The following BRINP3 variants were observed in gnomAD, a reference collection of about 807,000 sequenced individuals.
BRINP3 encodes BMP/retinoic acid-inducible neural-specific protein 3.
Under a neutral mutation model 71.0 loss-of-function variants are expected in BRINP3, and 19 were observed. The observed-to-expected ratio is 0.27, with a 90% CI of 0.19 to 0.39. BRINP3 has a LOEUF of 0.39. Ranked by LOEUF, BRINP3 falls within the 10% of genes least tolerant of loss-of-function variation. The probability of loss-of-function intolerance (pLI) is 1.00; values close to 1 mark genes in which losing one functional copy is unlikely to be tolerated. For missense variants in BRINP3, 959 were observed against 940.8 expected (o/e 1.02, Z -0.25); for synonymous variants, 380 against 337.7 (o/e 1.13, Z -1.37).
At chr1:190,358,852 T>C (rs1460669495) in intron 2 of BRINP3, among the ~76,000 whole-genome samples, 2 of 152,138 alleles carry the variant, frequency 1.3e-5, no homozygotes, top group African/African-American at 2.4e-5. Flanking sequence ...TGAGTTCATG[T>C]CCTTTGCAGG....
chr1:190,366,948 T>C (rs1669544403), intron 2 of BRINP3, among the ~76,000 whole-genome samples: 2 of 152,206 alleles, frequency 1.3e-5, no homozygotes, highest in South Asian at 4.1e-4. Context: ...CCAGCTAGTT[T>C]CATGGGCTGG....
At chr1:190,240,428 G>C (rs1658951865) in intron 4 of BRINP3, among the ~76,000 whole-genome samples, 1 of 151,856 alleles carries the variant, frequency 6.6e-6, no homozygotes, top group Non-Finnish European at 1.5e-5. Context: ...AGACCCCATA[G>C]GTCTACTTGC....
At chr1:190,112,160 T>TG (rs1216607147) in intron 7 of BRINP3, among the ~76,000 whole-genome samples, 5 of 151,994 alleles carry the variant, frequency 3.3e-5, no homozygotes, top group Non-Finnish European at 4.4e-5. Context: ...AGTAACAACA[T>TG]GGGAGAGAAT....
chr1:190,099,360 C>A (rs1651491696), intron 7 of BRINP3, among the ~76,000 whole-genome samples: 1 of 151,870 alleles, frequency 6.6e-6, no homozygotes, highest in Admixed American at 6.6e-5. Flanking sequence ...TTTATCACTG[C>A]ACAAAACAAG....
chr1:190,208,347 C>G (rs1243203902), intron 6 of BRINP3, among the ~76,000 whole-genome samples: 1 of 151,862 alleles, frequency 6.6e-6, no homozygotes, highest in Non-Finnish European at 1.5e-5. Context: ...ACCTCTGGAT[C>G]AGAACATGCC....
At position 190,226,301 on chromosome 1, in the gene BRINP3, G is replaced by A. The variant is rs758562628; in HGVS notation, c.742C>T (p.Pro248Ser). Residue 248 changes from proline (P) to serine (S), a missense_variant, in exon 6 of 8, where the codon CCA becomes TCA. Transcript: ENST00000367462. ...IQLQGLQVLL[P>S]DYLQERFVQA... ...ACAAAACGTTCCTGAAGATAGTCTG[G>A]GAGAAGTACTTGAAGCCCTTGAAGA... 3.1e-6 allele frequency: 5 copies of A among 1,592,130 alleles called. No individual in the cohort carries two copies. In the Admixed American group the frequency reaches 5.2e-5, roughly 17 times the overall value.
chr1:190,254,446 C>G (rs966483390), intron 4 of BRINP3, among the ~76,000 whole-genome samples: 4 of 151,976 alleles, frequency 2.6e-5, no homozygotes, highest in Admixed American at 2.6e-4. Context: ...TCTTTTATTT[C>G]GTTGAGCAGT....
At chr1:190,249,693 A>T (rs1659953470) in intron 4 of BRINP3, among the ~76,000 whole-genome samples, 1 of 151,826 alleles carries the variant, frequency 6.6e-6, no homozygotes. Context: ...CGCGTTTGAG[A>T]ATTTGAACTG....
At chr1:190,422,650 A>G (rs1200700415) in intron 2 of BRINP3, among the ~76,000 whole-genome samples, 3 of 151,826 alleles carry the variant, frequency 2.0e-5, no homozygotes, top group African/African-American at 7.2e-5. Flanking sequence ...AGTAGCACAT[A>G]CTGGTTTATC....
intron 7 of BRINP3, among the ~76,000 whole-genome samples, chr1:190,153,858 T>A (rs926950968): frequency 6.6e-6 from 1 of 152,134 alleles, no homozygotes; most frequent in Non-Finnish European, 1.5e-5. Flanking sequence ...CTCAACAAAA[T>A]GAATAAGTAA....
rs112278024 is a variant in BRINP3, at chr1:190,255,213, G to C, written c.618+9652C>G. Among the ~76,000 whole-genome samples, 489 of 151,732 alleles carry C rather than the reference G, an allele frequency of 3.2e-3. 3 individuals carry two copies. Among genetic ancestry groups the C allele is most frequent in the African/African-American group, 0.011 (452 of 41,334 alleles). On this transcript the variant is annotated intron_variant, in intron 4 of 7. Coordinates refer to ENST00000367462, the MANE Select transcript of BRINP3 (RefSeq NM_199051.3). ...AGGATTTTCACATTGATGTTCATCAGGGATATTGGTCTAAAATTCTCTCTT... is the reference window on the plus strand; with the variant it reads ...AGGATTTTCACATTGATGTTCATCACGGATATTGGTCTAAAATTCTCTCTT...
intron 2 of BRINP3, among the ~76,000 whole-genome samples, chr1:190,348,224 T>G: frequency 6.6e-6 from 1 of 152,220 alleles, no homozygotes; most frequent in South Asian, 2.1e-4. Flanking sequence ...TAAAATAAAA[T>G]AAAAGATTTT....
chr1:190,298,586 T>C (rs1664430163), intron 2 of BRINP3, among the ~76,000 whole-genome samples: 1 of 152,138 alleles, frequency 6.6e-6, no homozygotes, highest in Non-Finnish European at 1.5e-5. Context: ...GTCTTTAACC[T>C]ATAGTAAGTT....
At chr1:190,377,009 C>T (rs1558231977) in intron 2 of BRINP3, among the ~76,000 whole-genome samples, 1 of 151,926 alleles carries the variant, frequency 6.6e-6, no homozygotes, top group Non-Finnish European at 1.5e-5. Context: ...TATGTTGGTA[C>T]TGAATGCATG....
chr1:190,333,897 C>T (rs1439549452), intron 2 of BRINP3, among the ~76,000 whole-genome samples: 1 of 151,880 alleles, frequency 6.6e-6, no homozygotes, highest in Non-Finnish European at 1.5e-5. Flanking sequence ...TTTACTTGCT[C>T]ACTCTACTTG....
At chr1:190,454,571 T>C (rs1485085802) in intron 2 of BRINP3, 84 bp downstream of exon 2, 8 of 1,087,566 alleles carry the variant, frequency 7.4e-6, no homozygotes. Context: ...CTTTTTCCCG[T>C]CTGAAACTTT....
At chr1:190,408,402 T>C (rs992707807) in intron 2 of BRINP3, among the ~76,000 whole-genome samples, 15 of 151,818 alleles carry the variant, frequency 9.9e-5, no homozygotes, top group African/African-American at 3.6e-4. Flanking sequence ...ATTTAAATTA[T>C]TTTTTTTCAA....
At chr1:190,200,183 G>A (rs866268503) in intron 6 of BRINP3, among the ~76,000 whole-genome samples, 1 of 152,200 alleles carries the variant, frequency 6.6e-6, no homozygotes, top group African/African-American at 2.4e-5. Context: ...GACAGATTTT[G>A]AGTTCTTCAA....
chr1:190,357,350 G>C (rs957194471), intron 2 of BRINP3, among the ~76,000 whole-genome samples: 2 of 151,994 alleles, frequency 1.3e-5, no homozygotes, highest in Non-Finnish European at 2.9e-5. Flanking sequence ...ACAATTTCCA[G>C]AGGAACTTCG....
Sources: allele counts gnomAD v4.1 joint callset (sites outside exome capture counted in the v4.1 genomes callset), GRCh38; gene constraint gnomAD v4.1.1; transcripts MANE v1.5; gene names NCBI Gene and HGNC (gene_info 2026-07-23, HGNC 2026-07-21).